The following CLIP4 variants were observed in gnomAD, a reference collection of about 807,000 sequenced individuals.
CLIP4 encodes the protein CAP-Gly domain containing linker protein family member 4.
A neutral mutation model predicts 73.1 loss-of-function variants in CLIP4; 47 were observed. That is an observed-to-expected ratio of 0.64 (90% CI 0.51 to 0.82). The LOEUF (loss-of-function observed/expected upper bound fraction) is 0.82, where lower values mean the gene tolerates loss of function less well. Ranked by LOEUF, CLIP4 falls within the 40% of genes least tolerant of loss-of-function variation. The pLI, the probability that CLIP4 is intolerant of heterozygous loss-of-function variation, is 0.00. For missense variants in CLIP4, 874 were observed against 852.9 expected (o/e 1.02, Z -0.31); for synonymous variants, 306 against 295.4 (o/e 1.04, Z -0.37).
intron 1 of CLIP4, among the ~76,000 whole-genome samples, chr2:29,099,821 A>C (rs149459032): frequency 2.0e-5 from 3 of 152,370 alleles, no homozygotes; most frequent in Non-Finnish European, 2.9e-5. Context: ...CTTCTGATCC[A>C]CAAACATGAA....
At chr2:29,141,776 CTA>C (rs942885163) in intron 6 of CLIP4, among the ~76,000 whole-genome samples, 8 of 151,948 alleles carry the variant, frequency 5.3e-5, no homozygotes, top group African/African-American at 1.7e-4. Flanking sequence ...ATTTCCCACT[CTA>C]TGTCTTTTGA....
At chr2:29,112,962 C>A (rs1668421047), upstream of CLIP4, among the ~76,000 whole-genome samples, 1 of 152,232 alleles carries the variant, frequency 6.6e-6, no homozygotes, top group African/African-American at 2.4e-5. Context: ...CTTCCTGCTG[C>A]CGAGTGTCTG....
chr2:29,101,637 C>T (rs577039835), intron 1 of CLIP4, among the ~76,000 whole-genome samples: 45 of 152,272 alleles, frequency 3.0e-4, no homozygotes, highest in African/African-American at 8.4e-4. Context: ...ACACCCTCAC[C>T]GACACACCCA....
chr2:29,118,161 C>G (rs1663997865), intron 1 of CLIP4: 1 of 152,158 alleles, frequency 6.6e-6, no homozygotes, highest in Non-Finnish European at 1.5e-5. Context: ...AATGTAGACA[C>G]AGCTTTGGTC....
intron 2 of CLIP4, among the ~76,000 whole-genome samples, chr2:29,125,777 G>A (rs1664563594): frequency 1.3e-5 from 2 of 152,128 alleles, no homozygotes; most frequent in Admixed American, 1.3e-4. Flanking sequence ...TGGTGTTGTG[G>A]TTGTTTCAGA....
intron 8 of CLIP4, among the ~76,000 whole-genome samples, chr2:29,149,587 A>G (rs1351419950): frequency 6.6e-6 from 1 of 152,046 alleles, no homozygotes; most frequent in East Asian, 1.9e-4. Flanking sequence ...GTTAAGCCTT[A>G]CAGTTACATG....
chr2:29,180,072 C>A (rs1668559667), intron 15 of CLIP4, among the ~76,000 whole-genome samples: 1 of 152,072 alleles, frequency 6.6e-6, no homozygotes, highest in Non-Finnish European at 1.5e-5. Context: ...ATAAGTAAGA[C>A]CCAGATTCTG....
chr2:29,174,350 C>T (rs1328651172), intron 14 of CLIP4, 23 bp from the exon 15 acceptor site: 6 of 1,589,594 alleles, frequency 3.8e-6, no homozygotes, highest in Admixed American at 3.5e-5. Flanking sequence ...TTTTCCTCTG[C>T]TAACCCCAAC....
At chr2:29,133,890 G>A in intron 5 of CLIP4, 74 bp downstream of exon 5, 1 of 1,305,940 alleles carries the variant, frequency 7.7e-7, no homozygotes, top group African/African-American at 1.5e-5. Flanking sequence ...TATAATTCAA[G>A]GATATTTTTT....
chr2:29,156,459 A>C lies in CLIP4; in HGVS notation c.1255+16A>C, dbSNP rs199578311. On this transcript the variant is annotated intron_variant, in intron 10 of 15. Coordinates refer to ENST00000320081, the MANE Select transcript of CLIP4 (RefSeq NM_024692.6). ...GAGAAAGATGGTAATATACCTTGTA[A>C]CCTCTGTTTCTCAAAATTTAACTTT... 1,457 of 1,506,300 alleles carry C rather than the reference A, an allele frequency of 9.7e-4. 2 individuals are homozygous for C. The highest frequency in any genetic ancestry group is 1.3e-3 in the Non-Finnish European group (1,407 of 1,118,892). 93.3% of individuals were successfully genotyped at this position (1,506,300 alleles called of 1,614,324 possible). A position where few individuals can be genotyped will look rare whatever the true frequency, so the allele number is the denominator to read the frequency against.
intron 15 of CLIP4, among the ~76,000 whole-genome samples, chr2:29,180,382 G>A (rs1253533767): frequency 1.3e-5 from 2 of 152,156 alleles, no homozygotes; most frequent in Admixed American, 6.5e-5. Flanking sequence ...GGAGTCCCAT[G>A]CCTCATTATC....
intron 14 of CLIP4, among the ~76,000 whole-genome samples, chr2:29,173,650 G>T (rs1251225595): frequency 2.0e-5 from 3 of 152,158 alleles, no homozygotes; most frequent in African/African-American, 7.2e-5. Flanking sequence ...AAAAATTATA[G>T]TTTTAAACTA....
At chr2:29,133,917 G>C (rs375225286) in intron 5 of CLIP4, 101 bp downstream of exon 5, 1 of 976,896 alleles carries the variant, frequency 1.0e-6, no homozygotes, top group Non-Finnish European at 1.5e-6. Context: ...AATCCATCTT[G>C]TTTCATATGC....
chr2:29,166,626 A>G (rs1667639645), intron 13 of CLIP4, among the ~76,000 whole-genome samples: 1 of 151,988 alleles, frequency 6.6e-6, no homozygotes, highest in East Asian at 1.9e-4. Context: ...TTAGGCACTT[A>G]CTACTAATGA....
intron 8 of CLIP4, 101 bp downstream of exon 8, chr2:29,145,468 T>A: frequency 1.0e-6 from 1 of 980,616 alleles, no homozygotes; most frequent in Non-Finnish European, 1.5e-6. Context: ...ATTTCTTATG[T>A]GATAAATGAG....
intron 3 of CLIP4, chr2:29,131,777 A>G (rs961598128): frequency 8.3e-6 from 2 of 239,794 alleles, no homozygotes; most frequent in African/African-American, 4.5e-5. Flanking sequence ...TAAGAATATT[A>G]GATTTTTTGA....
intron 1 of CLIP4, among the ~76,000 whole-genome samples, chr2:29,120,303 A>G (rs565955165): frequency 5.3e-5 from 8 of 152,314 alleles, no homozygotes; most frequent in Non-Finnish European, 8.8e-5. Context: ...TCCTGCCAGT[A>G]TTAAGAAAAC....
At chr2:29,159,683 T>TAAAA (rs56927221) in intron 11 of CLIP4, among the ~76,000 whole-genome samples, 113 of 114,136 alleles carry the variant, frequency 9.9e-4, no homozygotes, top group African/African-American at 3.3e-3. Context: ...CCTGTTTCTT[T>TAAAA]AAAAAAAAAA....
chr2:29,143,969 T>C (rs1665970663), intron 7 of CLIP4, 24 bp downstream of exon 7: 1 of 1,592,288 alleles, frequency 6.3e-7, no homozygotes, highest in Non-Finnish European at 8.6e-7. Flanking sequence ...CTGCAATCTC[T>C]GAAGCCAGGG....
Sources: gnomAD v4.1 joint callset for allele counts (sites outside exome capture counted in the v4.1 genomes callset) on GRCh38, gnomAD v4.1.1 for gene constraint, MANE v1.5 for transcripts, NCBI Gene and HGNC (gene_info 2026-07-23, HGNC 2026-07-21) for gene names.